Variants in RGS7 observed in about 807,000 individuals in gnomAD.
The protein encoded by RGS7 is regulator of G protein signaling 7, also known as regulator of G-protein signaling 7.
Under a neutral mutation model 81.1 loss-of-function variants are expected in RGS7, and 27 were observed. That is an observed-to-expected ratio of 0.33 (90% CI 0.25 to 0.46). The LOEUF (loss-of-function observed/expected upper bound fraction) is 0.46, where lower values mean the gene tolerates loss of function less well. Ranked by LOEUF, RGS7 falls within the 20% of genes least tolerant of loss-of-function variation. RGS7 has a pLI of 1.00. For missense variants in RGS7, 396 were observed against 607.4 expected, an observed-to-expected ratio of 0.65 and a Z score of 3.66; for synonymous variants, 208 against 207.7, an observed-to-expected ratio of 1.00 and a Z score of -0.01.
At chr1:241,199,521 A>C (rs561175088) in intron 2 of RGS7, among the ~76,000 whole-genome samples, 81 of 152,304 alleles carry the variant, frequency 5.3e-4, no homozygotes, top group African/African-American at 1.9e-3. Context: ...TTCCTCTAAA[A>C]TCAAGAACAA....
At chr1:240,810,189 C>A (rs2103089219) in intron 14 of RGS7, among the ~76,000 whole-genome samples, 1 of 152,262 alleles carries the variant, frequency 6.6e-6, no homozygotes, top group African/African-American at 2.4e-5. Context: ...CTTCTCCCAA[C>A]TAAACACCCA....
At chr1:241,048,348 G>A (rs2061059719) in intron 3 of RGS7, among the ~76,000 whole-genome samples, 1 of 151,898 alleles carries the variant, frequency 6.6e-6, no homozygotes, top group Non-Finnish European at 1.5e-5. Flanking sequence ...AGTAAGAGTT[G>A]GAAAAAATAA....
At chr1:240,948,790 G>A (rs139106058) in intron 4 of RGS7, among the ~76,000 whole-genome samples, 2,816 of 150,634 alleles carry the variant, frequency 0.019, 45 homozygotes, top group African/African-American at 0.038. Context: ...ATCTCCAGAT[G>A]GCATCTGGAG....
At chr1:240,994,316 T>C (rs1686952491) in intron 3 of RGS7, among the ~76,000 whole-genome samples, 1 of 152,202 alleles carries the variant, frequency 6.6e-6, no homozygotes, top group Non-Finnish European at 1.5e-5. Flanking sequence ...TTGAAGTATG[T>C]CTCTCCATTT....
At chr1:241,325,898 G>A (rs1460586389) in intron 2 of RGS7, among the ~76,000 whole-genome samples, 1 of 152,170 alleles carries the variant, frequency 6.6e-6, no homozygotes, top group Non-Finnish European at 1.5e-5. Context: ...CAAACAGGAT[G>A]ACTTGGAACA....
intron 6 of RGS7, among the ~76,000 whole-genome samples, chr1:240,900,280 T>G (rs1669768690): frequency 6.6e-6 from 1 of 152,236 alleles, no homozygotes; most frequent in South Asian, 2.1e-4. Flanking sequence ...GTCTGAAGCC[T>G]TCTTCTCCCA....
intron 6 of RGS7, among the ~76,000 whole-genome samples, chr1:240,897,835 T>C (rs1033837403): frequency 6.6e-6 from 1 of 152,208 alleles, no homozygotes; most frequent in Non-Finnish European, 1.5e-5. Flanking sequence ...TTCTATTGAT[T>C]GGAATAGTTT....
At chr1:241,008,915 A>G (rs2058818235) in intron 3 of RGS7, among the ~76,000 whole-genome samples, 1 of 25,158 alleles carries the variant, frequency 4.0e-5, no homozygotes, top group Non-Finnish European at 9.8e-5. Flanking sequence ...CTGTCTCCAA[A>G]AAAAAAAAAA....
intron 2 of RGS7, among the ~76,000 whole-genome samples, chr1:241,104,739 T>C (rs1445117239): frequency 2.0e-5 from 3 of 152,242 alleles, no homozygotes; most frequent in South Asian, 2.1e-4. Context: ...AAACTTTTTA[T>C]GCTTCTGTTA....
chr1:240,867,268 T>C (rs1229635389), intron 9 of RGS7, among the ~76,000 whole-genome samples: 1 of 152,232 alleles, frequency 6.6e-6, no homozygotes, highest in Non-Finnish European at 1.5e-5. Flanking sequence ...GACTTTCTAT[T>C]TTGGTCTGAC....
Position 241,013,892 on chromosome 1 carries a change from C to T in RGS7, c.176-30763G>A, listed in dbSNP as rs745337344. Among the ~76,000 whole-genome samples, 4 of 152,258 alleles carry T rather than the reference C, an allele frequency of 2.6e-5. No individual in the cohort carries two copies. In the East Asian group the frequency reaches 5.8e-4, roughly 22 times the overall value. ...AGGAGGGGACAGAGCAAGGTAATGT[C>T]GCTCCCAAGAGTCAGCATATTAATG... On this transcript the variant is annotated intron_variant, in intron 3 of 18. Transcript: ENST00000440928.
At chr1:241,243,036 G>T (rs2076338669) in intron 2 of RGS7, among the ~76,000 whole-genome samples, 2 of 151,974 alleles carry the variant, frequency 1.3e-5, no homozygotes, top group African/African-American at 2.4e-5. Context: ...TTGTTTTTGT[G>T]TGTGTCTTTT....
intron 2 of RGS7, among the ~76,000 whole-genome samples, chr1:241,291,570 C>CTTTTTTTTTTTTTTTTTTTTTTTTTTT (rs397947911): frequency 1.1e-5 from 1 of 94,158 alleles, no homozygotes; most frequent in African/African-American, 4.1e-5. Flanking sequence ...GAATTCCCAG[C>CTTTTTTTTTTTTTTTTTTTTTTTTTTT]TTTTTTTTTT....
chr1:240,963,763 A>G (rs1681846575), intron 4 of RGS7, among the ~76,000 whole-genome samples: 2 of 152,232 alleles, frequency 1.3e-5, no homozygotes, highest in African/African-American at 4.8e-5. Context: ...AGCGTGGACC[A>G]TGAATCAATG....
intron 6 of RGS7, among the ~76,000 whole-genome samples, chr1:240,890,945 C>T (rs958496468): frequency 2.0e-5 from 3 of 152,096 alleles, no homozygotes; most frequent in Non-Finnish European, 4.4e-5. Context: ...TTGCACCAAC[C>T]TAATGCATAC....
intron 6 of RGS7, among the ~76,000 whole-genome samples, chr1:240,929,624 T>G (rs1558480490): frequency 1.3e-5 from 2 of 152,156 alleles, no homozygotes; most frequent in Admixed American, 1.3e-4. Context: ...TTTTTTCTTC[T>G]TATAAAAATG....
At chr1:241,011,078 G>T (rs1296522085) in intron 3 of RGS7, among the ~76,000 whole-genome samples, 1 of 152,156 alleles carries the variant, frequency 6.6e-6, no homozygotes, top group Non-Finnish European at 1.5e-5. Context: ...TTTGTCTCAA[G>T]CAGAGAAAAG....
At chr1:240,848,111 C>T (rs1659434112) in intron 9 of RGS7, among the ~76,000 whole-genome samples, 1 of 152,060 alleles carries the variant, frequency 6.6e-6, no homozygotes, top group Non-Finnish European at 1.5e-5. Context: ...CTGCCTTGTT[C>T]TCAGAAATAT....
chr1:241,120,188 A>G (rs890776379), intron 2 of RGS7, among the ~76,000 whole-genome samples: 5 of 152,190 alleles, frequency 3.3e-5, no homozygotes, highest in Non-Finnish European at 7.3e-5. Flanking sequence ...AGCCATCCTC[A>G]GGCCTCTAAG....
Sources: gnomAD v4.1 joint callset for allele counts (sites outside exome capture counted in the v4.1 genomes callset) on GRCh38, gnomAD v4.1.1 for gene constraint, MANE v1.5 for transcripts, NCBI Gene and HGNC (gene_info 2026-07-23, HGNC 2026-07-21) for gene names.